MYSM1: variants seen among roughly 807,000 people sequenced by gnomAD.
The protein encoded by MYSM1 is Myb like, SWIRM and MPN domains 1.
In MYSM1, 51 loss-of-function variants were observed where a neutral mutation model predicts 116.0. The observed-to-expected ratio is 0.44, with a 90% CI of 0.35 to 0.56. The LOEUF is 0.56. Among genes scored for constraint, MYSM1 ranks in the 20% least tolerant of loss-of-function variants. The pLI is 0.00. For synonymous variants in MYSM1, 313 were observed against 315.2 expected (o/e 0.99, Z 0.07); for missense variants, 900 against 974.9 (o/e 0.92, Z 1.02).
chr1:58,667,187 G>C lies in MYSM1; in HGVS notation c.1882C>G (p.Leu628Val). Residue 628 changes from leucine to valine, a missense_variant, in exon 16 of 20, where the codon CTA (leucine) becomes GTA (valine). By Grantham distance (32) the Leu-to-Val change is conservative. Coordinates refer to ENST00000472487, the MANE Select transcript of MYSM1 (RefSeq NM_001085487.3). The stretch of plus-strand genomic sequence containing the variant: ...GATACAGGATCCATCTCACACTGTA[G>C]TCCTGTACTCAGACTGTTACATGGT... ...AEPCNSLSTGLQCEMDPVSQT... is the reference protein window; with the variant it reads ...AEPCNSLSTGVQCEMDPVSQT... 12 of 1,608,666 alleles carry C rather than the reference G, an allele frequency of 7.5e-6. No individual in the cohort carries two copies. Among genetic ancestry groups the C allele is most frequent in the Non-Finnish European group, 1.0e-5 (12 of 1,176,784 alleles).
chr1:58,656,304 T>C lies in MYSM1; in HGVS notation c.*3693A>G, dbSNP rs968712168. 6.6e-6 allele frequency: 1 copy of C among 152,238 alleles called. No homozygotes were observed. The highest frequency in any genetic ancestry group is 1.5e-5 in the Non-Finnish European group (1 of 68,062). The allele number at this position is 152,238 out of a possible 1,614,324, so 9.4% of individuals were successfully genotyped here. ...AGCATTAAATAGCTTCATGGAAACA[T>C]GCATGGTCTGTCCATCTCTATTTTA... On this transcript the variant is annotated 3_prime_UTR_variant, in exon 20 of 20. Transcript: ENST00000472487.
Position 58,690,439 on chromosome 1 carries a change from T to A in MYSM1, c.219-22A>T, listed in dbSNP as rs765439384. On this transcript the variant is annotated intron_variant, in intron 3 of 19. Transcript: ENST00000472487. ...ATATCTGTGTAACTATCAAGGAAAC[T>A]TTTTAAACAATATTACAGTCATGTA... 2.0e-6 allele frequency: 3 copies of A among 1,501,608 alleles called. No individual in the cohort carries two copies. In the Admixed American group the frequency reaches 5.6e-5, roughly 28 times the overall value. The allele number at this position is 1,501,608 out of a possible 1,614,324, so 93.0% of individuals were successfully genotyped here.
At chr1:58,676,266 A>T (rs1233648741) in intron 9 of MYSM1, among the ~76,000 whole-genome samples, 1 of 152,164 alleles carries the variant, frequency 6.6e-6, no homozygotes, top group East Asian at 1.9e-4. Flanking sequence ...TCATACAAAA[A>T]TTAGCCAGGT....
chr1:58,665,430 C>T, intron 17 of MYSM1, 69 bp downstream of exon 17: 1 of 1,219,382 alleles, frequency 8.2e-7, no homozygotes, highest in Non-Finnish European at 1.1e-6. Flanking sequence ...AGTTGCAAAT[C>T]TTTTGATTTG....
chr1:58,668,887 T>C, intron 13 of MYSM1, 97 bp downstream of exon 13: 1 of 1,020,100 alleles, frequency 9.8e-7, no homozygotes, highest in Non-Finnish European at 1.5e-6. Flanking sequence ...AGTCTTTTTA[T>C]ACATATGCCT....
At position 58,655,879 on chromosome 1, in the gene MYSM1, T is replaced by C. The variant is rs745338172; in HGVS notation, c.*4118A>G. ...AAGAAGTTTTCCTAAATACCATATA[T>C]TGGTAGAGTATAGGTGAAAAAAAAA... On this transcript the variant is annotated 3_prime_UTR_variant, in exon 20 of 20. Transcript: ENST00000472487. 16 of 152,138 alleles carry C rather than the reference T, an allele frequency of 1.1e-4. No individual in the cohort carries two copies. Among genetic ancestry groups the C allele is most frequent in the Non-Finnish European group, 2.1e-4 (14 of 68,018 alleles). The allele number at this position is 152,138 out of a possible 1,614,324, so 9.4% of individuals were successfully genotyped here.
intron 7 of MYSM1, among the ~76,000 whole-genome samples, chr1:58,683,262 T>C (rs1644775754): frequency 6.6e-6 from 1 of 152,222 alleles, no homozygotes; most frequent in Non-Finnish European, 1.5e-5. Flanking sequence ...TCGTACAATA[T>C]ATTGAAATAT....
rs1216955863 is a variant in MYSM1, at chr1:58,677,114, T to G, written c.1260-58A>C. 10 of 1,475,840 alleles carry G rather than the reference T, an allele frequency of 6.8e-6. No homozygotes were observed. The East Asian group carries it at 2.3e-4, about 35-fold the overall frequency. The allele number at this position is 1,475,840 out of a possible 1,614,324, so 91.4% of individuals were successfully genotyped here. ...ATAAATAAAAACGTGAAAAAAGATTTCTGGGGAAAACTTTCAATATTTGAA... is the reference window on the plus strand; with the variant it reads ...ATAAATAAAAACGTGAAAAAAGATTGCTGGGGAAAACTTTCAATATTTGAA... On this transcript the variant is annotated intron_variant, in intron 8 of 19. Transcript: ENST00000472487.
intron 12 of MYSM1, among the ~76,000 whole-genome samples, chr1:58,671,066 T>C (rs1644553292): frequency 6.6e-6 from 1 of 152,196 alleles, no homozygotes; most frequent in South Asian, 2.1e-4. Flanking sequence ...TAATATATAC[T>C]GTAATGATTA....
intron 17 of MYSM1, among the ~76,000 whole-genome samples, chr1:58,662,261 A>G (rs1186496016): frequency 6.6e-6 from 1 of 152,098 alleles, no homozygotes; most frequent in Non-Finnish European, 1.5e-5. Context: ...AAAAATACCA[A>G]ACGATGAGTT....
In MYSM1 at chr1:58,675,479, T is replaced by A. The variant is rs577569345; in HGVS notation, c.1492A>T (p.Met498Leu). The A allele has an allele frequency of 6.2e-7, 1 of 1,607,534 alleles. No homozygotes were observed. The highest frequency in any genetic ancestry group is 1.7e-5 in the Admixed American group (1 of 59,654). The change falls in exon 10 of 20, where the codon ATG becomes TTG. Residue 498 changes from methionine to leucine, a missense_variant and splice_region_variant. Coordinates refer to ENST00000472487, the MANE Select transcript of MYSM1 (RefSeq NM_001085487.3). ...CACTGAGAGAGATGACTGCTTACCATAGACTGCAGACGCTGGGCAAGTTGG... is the reference window on the plus strand; with the variant it reads ...CACTGAGAGAGATGACTGCTTACCAAAGACTGCAGACGCTGGGCAAGTTGG... Reference protein sequence around the residue: ...AYQLAQRLQSMRTRRRRVRDP... With the variant: ...AYQLAQRLQSLRTRRRRVRDP...
intron 8 of MYSM1, among the ~76,000 whole-genome samples, chr1:58,678,403 A>G (rs1359968387): frequency 6.6e-6 from 1 of 152,216 alleles, no homozygotes; most frequent in Admixed American, 6.5e-5. Context: ...GACTACTCAA[A>G]GTAAAAGGCT....
intron 2 of MYSM1, among the ~76,000 whole-genome samples, chr1:58,693,698 C>G (rs1258543868): frequency 6.6e-6 from 1 of 152,200 alleles, no homozygotes; most frequent in African/African-American, 2.4e-5. Flanking sequence ...TCCCAATCAT[C>G]AAATCTTGCT....
At chr1:58,669,685 G>A (rs1003591591) in intron 12 of MYSM1, among the ~76,000 whole-genome samples, 3 of 151,600 alleles carry the variant, frequency 2.0e-5, no homozygotes. Context: ...AAAACTAGCT[G>A]AGCGTGGTGG....
Position 58,671,865 on chromosome 1 carries a change from T to C in MYSM1, c.1661+5A>G. 6.2e-7 allele frequency: 1 copy of C among 1,609,898 alleles called. No homozygotes were observed. The highest frequency in any genetic ancestry group is 8.5e-7 in the Non-Finnish European group (1 of 1,177,474). ...TTTAAAAACCACATTTATATAACACTACACCTTTTTGTTGGTCTTGGCACT... is the reference window on the plus strand; with the variant it reads ...TTTAAAAACCACATTTATATAACACCACACCTTTTTGTTGGTCTTGGCACT... On this transcript the variant is annotated splice_donor_5th_base_variant and intron_variant, in intron 12 of 19. Transcript: ENST00000472487.
At chr1:58,680,093 T>C (rs552731783) in intron 8 of MYSM1, among the ~76,000 whole-genome samples, 1 of 151,828 alleles carries the variant, frequency 6.6e-6, no homozygotes, top group African/African-American at 2.4e-5. Flanking sequence ...ATTTTTGAGT[T>C]AGTTATGATT....
intron 10 of MYSM1, among the ~76,000 whole-genome samples, chr1:58,673,946 A>G (rs1221718958): frequency 6.6e-6 from 1 of 152,196 alleles, no homozygotes; most frequent in Non-Finnish European, 1.5e-5. Flanking sequence ...AAATAAGATC[A>G]GTAATGATTT....
intron 17 of MYSM1, among the ~76,000 whole-genome samples, chr1:58,662,957 T>C (rs1644416803): frequency 6.6e-6 from 1 of 152,156 alleles, no homozygotes; most frequent in African/African-American, 2.4e-5. Context: ...TATATAATGA[T>C]AACCACCCAC....
intron 1 of MYSM1, among the ~76,000 whole-genome samples, chr1:58,696,917 G>C (rs758529898): frequency 6.6e-6 from 1 of 152,152 alleles, no homozygotes; most frequent in Non-Finnish European, 1.5e-5. Context: ...AAACCAACTG[G>C]GGAGTGAAGA....
Sources: allele counts gnomAD v4.1 joint callset (sites outside exome capture counted in the v4.1 genomes callset), GRCh38; gene constraint gnomAD v4.1.1; transcripts MANE v1.5; gene names NCBI Gene and HGNC (gene_info 2026-07-23, HGNC 2026-07-21).